Variants in KIAA1549L observed in about 807,000 individuals in gnomAD.
KIAA1549L encodes UPF0606 protein KIAA1549L.
In KIAA1549L, 88 loss-of-function variants were observed where a neutral mutation model predicts 160.7. The observed-to-expected ratio is 0.55, with a 90% CI of 0.46 to 0.65. The LOEUF (loss-of-function observed/expected upper bound fraction) is 0.65. Among genes scored for constraint, KIAA1549L ranks in the 30% least tolerant of loss-of-function variants. The probability of loss-of-function intolerance (pLI) is 0.00; values close to 1 mark genes in which losing one functional copy is unlikely to be tolerated. For missense variants in KIAA1549L, 2,258 were observed against 2,437.5 expected, an observed-to-expected ratio of 0.93 and a Z score of 1.55; for synonymous variants, 950 against 976.7, an observed-to-expected ratio of 0.97 and a Z score of 0.51.
chr11:33,544,540 A>G (rs990622982), intron 2 of KIAA1549L, among the ~76,000 whole-genome samples: 3 of 152,116 alleles, frequency 2.0e-5, no homozygotes, highest in Non-Finnish European at 4.4e-5. Context: ...ACTATTCACA[A>G]TGTAAGCATC....
At chr11:33,481,165 G>A (rs1852403942) in intron 1 of KIAA1549L, among the ~76,000 whole-genome samples, 1 of 152,100 alleles carries the variant, frequency 6.6e-6, no homozygotes, top group African/African-American at 2.4e-5. Context: ...TTAATGAATA[G>A]CATCTGGGCT....
At chr11:33,411,094 T>C (rs1850776034) in intron 1 of KIAA1549L, among the ~76,000 whole-genome samples, 1 of 152,204 alleles carries the variant, frequency 6.6e-6, no homozygotes, top group African/African-American at 2.4e-5. Context: ...AAGTGCAGTC[T>C]GCTAGTCTAG....
In KIAA1549L at chr11:33,568,276, G is replaced by T. The variant is rs78069480; in HGVS notation, c.4230+49G>T. On this transcript the variant is annotated intron_variant, in intron 9 of 20. Coordinates refer to ENST00000658780, the MANE Select transcript of KIAA1549L (RefSeq NM_012194.3). ...GGTTTTCTAATAACTGGGGGTAGAG[G>T]GGGGGATGTGCTTCCTGAGACTAAA... 88 of 1,543,354 alleles carry T rather than the reference G, an allele frequency of 5.7e-5. No individual in the cohort carries two copies. In the African/African-American group the frequency reaches 9.2e-4, roughly 16 times the overall value.
At chr11:33,476,203 AC>A (rs1463782918) in intron 1 of KIAA1549L, among the ~76,000 whole-genome samples, 1 of 152,212 alleles carries the variant, frequency 6.6e-6, no homozygotes, top group African/African-American at 2.4e-5. Context: ...AGACAAGTTT[AC>A]TCTGTAATCA....
intron 1 of KIAA1549L, among the ~76,000 whole-genome samples, chr11:33,387,437 C>G (rs1459378575): frequency 4.6e-5 from 7 of 152,112 alleles, no homozygotes; most frequent in Admixed American, 3.3e-4. Flanking sequence ...TCCCAAGTAG[C>G]TGGGACTACA....
At chr11:33,450,303 A>C (rs1268194959) in intron 1 of KIAA1549L, among the ~76,000 whole-genome samples, 1 of 152,168 alleles carries the variant, frequency 6.6e-6, no homozygotes, top group East Asian at 1.9e-4. Flanking sequence ...CACACCTGCA[A>C]TCCCAGCACT....
At chr11:33,482,962 C>G (rs1289360816) in intron 1 of KIAA1549L, among the ~76,000 whole-genome samples, 1 of 152,230 alleles carries the variant, frequency 6.6e-6, no homozygotes, top group African/African-American at 2.4e-5. Flanking sequence ...TTCAGTGTTT[C>G]CTGGTATTTT....
At chr11:33,430,045 T>TCCTTCCTCCCTTCCTC (rs538132465) in intron 1 of KIAA1549L, among the ~76,000 whole-genome samples, 1 of 128,894 alleles carries the variant, frequency 7.8e-6, no homozygotes, top group African/African-American at 3.3e-5. Context: ...CTTCCTTCCT[T>TCCTTCCTCCCTTCCTC]CCTCCCTTCC....
intron 1 of KIAA1549L, among the ~76,000 whole-genome samples, chr11:33,430,435 C>T (rs966011776): frequency 3.3e-5 from 5 of 152,256 alleles, no homozygotes; most frequent in East Asian, 1.9e-4. Flanking sequence ...TGTAGGGAAA[C>T]TGTACATCCA....
chr11:33,655,563 C>T lies in KIAA1549L; in HGVS notation c.5761-449C>T, dbSNP rs528408041. 7.9e-5 allele frequency among the ~76,000 whole-genome samples: 12 copies of T among 152,298 alleles called. No individual in the cohort carries two copies. In the East Asian group the frequency reaches 9.6e-4, roughly 12 times the overall value. ...ATAAGGATATCTCTGACAACAAAGC[C>T]CTTGCCCTTATTACACTCTAGTTGG... On this transcript the variant is annotated intron_variant, in intron 17 of 20. Transcript: ENST00000658780.
intron 11 of KIAA1549L, 113 bp downstream of exon 11, chr11:33,583,614 GGT>G (rs1311775989): frequency 1.0e-6 from 1 of 965,038 alleles, no homozygotes; most frequent in Non-Finnish European, 1.5e-6. Context: ...CATCAGGGCA[GGT>G]CCTCATTTTG....
intron 10 of KIAA1549L, among the ~76,000 whole-genome samples, chr11:33,578,265 G>C (rs1461604745): frequency 2.0e-5 from 3 of 152,126 alleles, no homozygotes; most frequent in African/African-American, 7.2e-5. Context: ...TGGGAGGTGA[G>C]GGATGGCCCC....
At chr11:33,431,539 C>T (rs1475246378) in intron 1 of KIAA1549L, among the ~76,000 whole-genome samples, 2 of 152,206 alleles carry the variant, frequency 1.3e-5, no homozygotes, top group African/African-American at 4.8e-5. Flanking sequence ...CTCACAAACC[C>T]TGAGCTAGAC....
At chr11:33,384,409 G>A (rs1195312255) in intron 1 of KIAA1549L, among the ~76,000 whole-genome samples, 2 of 152,208 alleles carry the variant, frequency 1.3e-5, no homozygotes, top group African/African-American at 4.8e-5. Flanking sequence ...TTTATGACAT[G>A]GAAGTCTTTC....
At chr11:33,658,165 T>C (rs983314960) in intron 18 of KIAA1549L, among the ~76,000 whole-genome samples, 1 of 152,230 alleles carries the variant, frequency 6.6e-6, no homozygotes, top group East Asian at 1.9e-4. Flanking sequence ...TTAAATGGGC[T>C]TGATTCTCTG....
intron 13 of KIAA1549L, among the ~76,000 whole-genome samples, chr11:33,600,711 T>C (rs1291786051): frequency 6.6e-6 from 1 of 152,226 alleles, no homozygotes; most frequent in East Asian, 1.9e-4. Flanking sequence ...CTTTTTACTA[T>C]GCATATGGCA....
intron 8 of KIAA1549L, among the ~76,000 whole-genome samples, chr11:33,566,501 T>G (rs994505535): frequency 6.6e-6 from 1 of 152,190 alleles, no homozygotes; most frequent in Non-Finnish European, 1.5e-5. Flanking sequence ...TTTATGAATT[T>G]GCAGGAATTA....
chr11:33,515,531 A>G (rs1005350663), intron 1 of KIAA1549L, among the ~76,000 whole-genome samples: 1 of 152,240 alleles, frequency 6.6e-6, no homozygotes, highest in Non-Finnish European at 1.5e-5. Context: ...ATGCTCAGCC[A>G]TGGGGGAGAT....
rs1425673748 is a variant in KIAA1549L, at chr11:33,625,380, C to G, written c.5409+6718C>G. On this transcript the variant is annotated intron_variant, in intron 16 of 20. Coordinates refer to ENST00000658780, the MANE Select transcript of KIAA1549L (RefSeq NM_012194.3). ...ACTAGTTTACAGTCCCACCAACAGTCTAAAAGTGTTCCTATTTCTCCATAT... is the reference window on the plus strand; with the variant it reads ...ACTAGTTTACAGTCCCACCAACAGTGTAAAAGTGTTCCTATTTCTCCATAT... 2.3e-3 allele frequency among the ~76,000 whole-genome samples: 353 copies of G among 152,240 alleles called. 3 individuals carry two copies. The highest frequency in any genetic ancestry group is 6.6e-3 in the African/African-American group (274 of 41,494).
Sources: gnomAD v4.1 joint callset for allele counts (sites outside exome capture counted in the v4.1 genomes callset) on GRCh38, gnomAD v4.1.1 for gene constraint, MANE v1.5 for transcripts, NCBI Gene and HGNC (gene_info 2026-07-23, HGNC 2026-07-21) for gene names.